Variants in BNC2 observed in about 807,000 individuals in gnomAD.
The protein encoded by BNC2 is basonuclin zinc finger protein 2.
BNC2 carries 20 observed loss-of-function variants against 76.3 expected under a neutral mutation model. The ratio of observed to expected loss-of-function variants is 0.26; its 90% CI spans 0.18 to 0.38. The LOEUF is 0.38. Ranked by LOEUF, BNC2 falls within the 10% of genes least tolerant of loss-of-function variation. BNC2 has a pLI of 1.00. For missense variants in BNC2, 1,382 were observed against 1,399.8 expected (o/e 0.99, Z 0.20); for synonymous variants, 582 against 514.8 (o/e 1.13, Z -1.77).
In BNC2 at chr9:16,409,684, TA is replaced by T. The variant is rs1820420371; in HGVS notation, c.*9304del. On this transcript the variant is annotated 3_prime_UTR_variant, in exon 7 of 7. Coordinates refer to ENST00000380672, the MANE Select transcript of BNC2 (RefSeq NM_017637.6). ...AAATACAACCAAAGTAACAGCAAAT[TA>T]AAAAATTTAATTACCTTAGCCTACC... The T allele has an allele frequency of 6.6e-6, 1 of 152,488 alleles. No individual in the cohort carries two copies. Among genetic ancestry groups the T allele is most frequent in the Non-Finnish European group, 1.5e-5 (1 of 68,002 alleles). 9.4% of individuals were successfully genotyped at this position (152,488 alleles called of 1,614,324 possible).
chr9:16,775,870 C>A (rs1369176260), intron 1 of BNC2: 1 of 153,034 alleles, frequency 6.5e-6, no homozygotes, highest in African/African-American at 2.4e-5. Context: ...GTCCTTGCAA[C>A]ACGAAGGCTG....
At chr9:16,653,785 T>C (rs1007306788) in intron 3 of BNC2, among the ~76,000 whole-genome samples, 10 of 152,194 alleles carry the variant, frequency 6.6e-5, no homozygotes, top group African/African-American at 2.4e-4. Context: ...TCAATACTTT[T>C]GGACTACGGC....
At chr9:16,828,064 T>A (rs1224980675) in intron 1 of BNC2, among the ~76,000 whole-genome samples, 1 of 152,220 alleles carries the variant, frequency 6.6e-6, no homozygotes, top group Non-Finnish European at 1.5e-5. Context: ...TGCAATGATA[T>A]GTTCACACTA....
chr9:16,545,925 C>T (rs1256835928), intron 5 of BNC2, among the ~76,000 whole-genome samples: 1 of 152,210 alleles, frequency 6.6e-6, no homozygotes, highest in Non-Finnish European at 1.5e-5. Context: ...GGAAAGCATT[C>T]ACCACTAGAC....
At chr9:16,723,940 G>T (rs762824698) in intron 3 of BNC2, among the ~76,000 whole-genome samples, 12 of 152,024 alleles carry the variant, frequency 7.9e-5, no homozygotes, top group Non-Finnish European at 1.5e-4. Flanking sequence ...ATGTCAGACA[G>T]TTGTTCTTTA....
At chr9:16,639,342 T>A (rs1037874163) in intron 3 of BNC2, among the ~76,000 whole-genome samples, 2 of 152,206 alleles carry the variant, frequency 1.3e-5, no homozygotes, top group Non-Finnish European at 2.9e-5. Flanking sequence ...ATTTGCTTAC[T>A]AATTACCAAC....
chr9:16,827,896 C>CA (rs1818490305), intron 1 of BNC2, among the ~76,000 whole-genome samples: 1 of 152,106 alleles, frequency 6.6e-6, no homozygotes, highest in Admixed American at 6.5e-5. Flanking sequence ...ATGATATGCC[C>CA]ATTCATCCAA....
intron 3 of BNC2, among the ~76,000 whole-genome samples, chr9:16,658,609 C>T (rs1018289741): frequency 2.0e-5 from 3 of 152,178 alleles, no homozygotes; most frequent in African/African-American, 4.8e-5. Context: ...TAACAATTCT[C>T]TTATCCTTCC....
At chr9:16,494,843 T>TG (rs1822353398) in intron 5 of BNC2, among the ~76,000 whole-genome samples, 1 of 151,846 alleles carries the variant, frequency 6.6e-6, no homozygotes, top group South Asian at 2.1e-4. Context: ...GGTGGAGGGC[T>TG]GGGGGAGGGA....
intron 1 of BNC2, among the ~76,000 whole-genome samples, chr9:16,744,769 A>G (rs1824951174): frequency 6.6e-6 from 1 of 152,202 alleles, no homozygotes; most frequent in Admixed American, 6.5e-5. Context: ...TCCCTGTGAA[A>G]TTTTTACACT....
At chr9:16,513,124 T>G (rs887346305) in intron 5 of BNC2, among the ~76,000 whole-genome samples, 1 of 152,000 alleles carries the variant, frequency 6.6e-6, no homozygotes, top group African/African-American at 2.4e-5. Context: ...AATGAGACTC[T>G]GTCTCAAATG....
At chr9:16,751,605 AAT>A (rs200968001) in intron 1 of BNC2, among the ~76,000 whole-genome samples, 5,958 of 23,122 alleles carry the variant, frequency 0.26, 464 homozygotes, top group African/African-American at 0.45. Flanking sequence ...CCCCAGCACA[AAT>A]ATATATATGT....
chr9:16,469,727 T>C (rs1225930099), intron 5 of BNC2, among the ~76,000 whole-genome samples: 1 of 152,160 alleles, frequency 6.6e-6, no homozygotes, highest in Non-Finnish European at 1.5e-5. Flanking sequence ...TTCCTAGAGA[T>C]GTGTTGAATG....
At chr9:16,812,242 G>A (rs1818072024) in intron 1 of BNC2, among the ~76,000 whole-genome samples, 1 of 152,206 alleles carries the variant, frequency 6.6e-6, no homozygotes, top group African/African-American at 2.4e-5. Context: ...TGGGCTTGGA[G>A]GTTGGTGGTG....
chr9:16,713,523 T>C lies in BNC2; in HGVS notation c.330+14274A>G, dbSNP rs546836539. The stretch of plus-strand genomic sequence containing the variant: ...GACATGCTTAAACTTGATATTCTCT[T>C]AGGGATGTGCAGGCTTTGAAGCTCA... On this transcript the variant is annotated intron_variant, in intron 3 of 6. Coordinates refer to ENST00000380672, the MANE Select transcript of BNC2 (RefSeq NM_017637.6). 4.6e-4 allele frequency among the ~76,000 whole-genome samples: 69 copies of C among 149,970 alleles called. 1 individual carries two copies. Among genetic ancestry groups the C allele is most frequent in the African/African-American group, 1.7e-3 (69 of 40,770 alleles).
At chr9:16,675,074 T>C (rs1236931530) in intron 3 of BNC2, among the ~76,000 whole-genome samples, 1 of 152,190 alleles carries the variant, frequency 6.6e-6, no homozygotes, top group Non-Finnish European at 1.5e-5. Context: ...TCACACACAG[T>C]GCAGGAAGAT....
chr9:16,699,114 T>C (rs1823432827), intron 3 of BNC2: 1 of 445,708 alleles, frequency 2.2e-6, no homozygotes, highest in African/African-American at 2.1e-5. Flanking sequence ...GTTGCTGTTC[T>C]GTTTTTGTTT....
chr9:16,834,110 G>A (rs1419709145), intron 1 of BNC2, among the ~76,000 whole-genome samples: 1 of 151,724 alleles, frequency 6.6e-6, no homozygotes, highest in African/African-American at 2.4e-5. Context: ...TCACTGCTTT[G>A]TATTTTTGGA....
At chr9:16,593,669 A>T (rs1033263286) in intron 3 of BNC2, among the ~76,000 whole-genome samples, 1 of 152,174 alleles carries the variant, frequency 6.6e-6, no homozygotes, top group South Asian at 2.1e-4. Context: ...CTTACCTAAC[A>T]TTTAACAATT....
Sources: allele counts gnomAD v4.1 joint callset (sites outside exome capture counted in the v4.1 genomes callset), GRCh38; gene constraint gnomAD v4.1.1; transcripts MANE v1.5; gene names NCBI Gene and HGNC (gene_info 2026-07-23, HGNC 2026-07-21).